GRIK2: variants seen among roughly 807,000 people sequenced by gnomAD.
GRIK2 encodes glutamate ionotropic receptor kainate type subunit 2, also known as glutamate receptor ionotropic, kainate 2.
In GRIK2, 32 loss-of-function variants were observed where a neutral mutation model predicts 100.3. The observed-to-expected ratio is 0.32, with a 90% CI of 0.24 to 0.43. GRIK2 has a LOEUF of 0.43. Among genes scored for constraint, GRIK2 ranks in the 20% least tolerant of loss-of-function variants. The pLI is 1.00. For synonymous variants in GRIK2, 417 were observed against 389.4 expected (o/e 1.07, Z -0.83); for missense variants, 843 against 1,114.9 (o/e 0.76, Z 3.47).
chr6:101,822,554 G>T (rs1367463144), intron 10 of GRIK2, among the ~76,000 whole-genome samples: 1 of 152,062 alleles, frequency 6.6e-6, no homozygotes, highest in East Asian at 1.9e-4. Context: ...CTGCTTCTCA[G>T]CTGCTTCCAG....
At chr6:101,769,377 C>G (rs1375930378) in intron 7 of GRIK2, among the ~76,000 whole-genome samples, 1 of 151,996 alleles carries the variant, frequency 6.6e-6, no homozygotes, top group African/African-American at 2.4e-5. Context: ...TATACAATTG[C>G]AGAAGAGGGA....
At chr6:101,534,595 A>C (rs1707552432) in intron 2 of GRIK2, among the ~76,000 whole-genome samples, 1 of 151,754 alleles carries the variant, frequency 6.6e-6, no homozygotes. Flanking sequence ...ACAAAATTCC[A>C]CTTAGTGGTT....
chr6:101,804,005 T>C (rs1053552938), intron 9 of GRIK2, among the ~76,000 whole-genome samples: 1 of 151,924 alleles, frequency 6.6e-6, no homozygotes, highest in Non-Finnish European at 1.5e-5. Flanking sequence ...TGTTCAGTCC[T>C]TATCCTCAAG....
At chr6:102,064,943 A>G (rs1771942289) in intron 16 of GRIK2, among the ~76,000 whole-genome samples, 1 of 151,360 alleles carries the variant, frequency 6.6e-6, no homozygotes, top group South Asian at 2.1e-4. Flanking sequence ...ATTATTCTAC[A>G]AATGAGAAAA....
chr6:101,411,266 G>T (rs898197158), intron 2 of GRIK2, among the ~76,000 whole-genome samples: 3 of 152,022 alleles, frequency 2.0e-5, no homozygotes, highest in African/African-American at 7.2e-5. Flanking sequence ...CTCCTGCAAA[G>T]ATATGTTTTA....
At chr6:102,046,658 G>A (rs183223906) in intron 15 of GRIK2, among the ~76,000 whole-genome samples, 42 of 152,202 alleles carry the variant, frequency 2.8e-4, no homozygotes, top group African/African-American at 8.9e-4. Flanking sequence ...CCAGTCTCAA[G>A]TGGTTCTTTA....
At chr6:101,396,113 C>T (rs1288383731) in intron 1 of GRIK2, among the ~76,000 whole-genome samples, 2 of 151,990 alleles carry the variant, frequency 1.3e-5, no homozygotes, top group African/African-American at 4.8e-5. Context: ...CTTCATATAA[C>T]CTCAGAACTA....
intron 4 of GRIK2, among the ~76,000 whole-genome samples, chr6:101,638,622 T>C (rs1458728152): frequency 6.6e-6 from 1 of 152,090 alleles, no homozygotes; most frequent in African/African-American, 2.4e-5. Flanking sequence ...CGTTTTAGTT[T>C]TGATGATGAG....
chr6:101,622,343 T>C (rs996097794), intron 3 of GRIK2, among the ~76,000 whole-genome samples: 1 of 152,050 alleles, frequency 6.6e-6, no homozygotes, highest in Non-Finnish European at 1.5e-5. Flanking sequence ...GTTAGTGAAA[T>C]TTTTTTTCTA....
At chr6:101,446,716 A>C (rs1372422554) in intron 2 of GRIK2, among the ~76,000 whole-genome samples, 2 of 151,694 alleles carry the variant, frequency 1.3e-5, no homozygotes, top group Non-Finnish European at 3.0e-5. Context: ...TATATTTTCA[A>C]TATTGCCTTT....
chr6:101,398,035 C>T (rs1276449589), intron 1 of GRIK2, among the ~76,000 whole-genome samples: 1 of 151,802 alleles, frequency 6.6e-6, no homozygotes. Flanking sequence ...AAACTCCTAA[C>T]GAAAGCCAAG....
intron 12 of GRIK2, among the ~76,000 whole-genome samples, chr6:101,912,396 A>G (rs567126888): frequency 7.3e-4 from 110 of 151,664 alleles, no homozygotes; most frequent in South Asian, 3.3e-3. Context: ...TCCCAGTCTC[A>G]GGCCTACATC....
intron 14 of GRIK2, among the ~76,000 whole-genome samples, chr6:102,006,390 A>ATATATTTT (rs1315524835): frequency 5.9e-4 from 67 of 114,090 alleles, no homozygotes; most frequent in African/African-American, 2.9e-3. Context: ...ATATATATAT[A>ATATATTTT]TTTTTTTTTT....
chr6:102,010,463 A>T (rs1251590016), intron 14 of GRIK2, among the ~76,000 whole-genome samples: 1 of 151,488 alleles, frequency 6.6e-6, no homozygotes, highest in Non-Finnish European at 1.5e-5. Flanking sequence ...GGCTCACTGC[A>T]ACCTCCGCCT....
rs781411642 is a variant in GRIK2 at position 101,799,789 on chromosome 6, G to C, written c.1093G>C (p.Glu365Gln). Residue 365 changes from glutamate (E) to glutamine (Q), a missense_variant and splice_region_variant, in exon 8 of 17, where the codon GAG becomes CAG. Transcript: ENST00000369134. ...GACCCGCTTTATGAGTCTAATTAAA[G>C]AGGTAAGTTAGGAGAAGAACATCTG... ...FGTRFMSLIK[E>Q]AHWEGLTGRI... 5 of 1,611,948 alleles carry C rather than the reference G, an allele frequency of 3.1e-6. No individual in the cohort carries two copies. In the African/African-American group the frequency reaches 6.7e-5, roughly 22 times the overall value.
intron 4 of GRIK2, among the ~76,000 whole-genome samples, chr6:101,631,733 T>C (rs147602874): frequency 1.1e-3 from 172 of 152,242 alleles, no homozygotes; most frequent in African/African-American, 3.8e-3. Flanking sequence ...TTTTATTTTT[T>C]TCCTACCCCC....
intron 2 of GRIK2, among the ~76,000 whole-genome samples, chr6:101,523,256 A>G (rs1390987832): frequency 5.3e-5 from 8 of 152,138 alleles, no homozygotes; most frequent in Admixed American, 5.2e-4. Flanking sequence ...CCCTCACCCA[A>G]TTAACAAAAC....
intron 12 of GRIK2, among the ~76,000 whole-genome samples, chr6:101,907,950 C>A (rs554066981): frequency 6.6e-6 from 1 of 151,490 alleles, no homozygotes; most frequent in African/African-American, 2.4e-5. Context: ...TCTTCCTCCT[C>A]TCCCCTTTTA....
chr6:101,467,604 C>T (rs1351559159), intron 2 of GRIK2, among the ~76,000 whole-genome samples: 2 of 152,098 alleles, frequency 1.3e-5, no homozygotes, highest in South Asian at 2.1e-4. Flanking sequence ...ATTGCTGTTA[C>T]TGCTATAGTG....
Sources: gnomAD v4.1 joint callset for allele counts (sites outside exome capture counted in the v4.1 genomes callset) on GRCh38, gnomAD v4.1.1 for gene constraint, MANE v1.5 for transcripts, NCBI Gene and HGNC (gene_info 2026-07-23, HGNC 2026-07-21) for gene names.